MORC1: variants seen among roughly 807,000 people sequenced by gnomAD.
MORC1 encodes MORC family CW-type zinc finger 1.
A neutral mutation model predicts 134.9 loss-of-function variants in MORC1; 59 were observed. The ratio of observed to expected loss-of-function variants is 0.44; its 90% confidence interval spans 0.35 to 0.54. The LOEUF is 0.54. Among genes scored for constraint, MORC1 ranks in the 20% least tolerant of loss-of-function variants. The pLI is 0.00. For synonymous variants in MORC1, 395 were observed against 391.7 expected (o/e 1.01, Z -0.10); for missense variants, 947 against 1,134.5 (o/e 0.83, Z 2.37).
chr3:109,094,795 T>C, intron 7 of MORC1, 114 bp downstream of exon 7: 3 of 988,592 alleles, frequency 3.0e-6, no homozygotes, highest in Non-Finnish European at 4.2e-6. Flanking sequence ...GTCCCCAGTG[T>C]GAATCCACAT....
At position 109,059,894 on chromosome 3, in the gene MORC1, GA is replaced by G. The variant is rs767965162; in HGVS notation, c.967-25del. Reference sequence around the variant, plus strand: ...TCCTGGAGAAATGCATTGGTTGGGAGAGAACATAATGCCACTGAATTAACAA... The same window carrying G: ...TCCTGGAGAAATGCATTGGTTGGGAGGAACATAATGCCACTGAATTAACAA... On this transcript the variant is annotated intron_variant, in intron 11 of 27. Transcript: ENST00000232603. 1.9e-6 allele frequency: 3 copies of G among 1,597,294 alleles called. No homozygotes were observed. In the South Asian group the frequency reaches 3.4e-5, roughly 18 times the overall value.
intron 14 of MORC1, 96 bp from the exon 15 acceptor site, chr3:109,035,564 A>C: frequency 1.4e-6 from 1 of 724,916 alleles, no homozygotes; most frequent in Non-Finnish European, 2.2e-6. Context: ...TATGATCTCA[A>C]CTGTGTAAGT....
At chr3:108,984,975 A>G (rs754885131) in intron 22 of MORC1, among the ~76,000 whole-genome samples, 193 bp from the exon 23 acceptor site, 3 of 152,200 alleles carry the variant, frequency 2.0e-5, no homozygotes, top group Non-Finnish European at 4.4e-5. Flanking sequence ...TTTAAAATAA[A>G]GTTTATGTAG....
intron 4 of MORC1, among the ~76,000 whole-genome samples, chr3:109,102,200 G>A (rs532564305): frequency 6.6e-6 from 1 of 152,214 alleles, no homozygotes; most frequent in East Asian, 1.9e-4. Flanking sequence ...AACATGAGAT[G>A]GATTCAAACG....
intron 11 of MORC1, among the ~76,000 whole-genome samples, chr3:109,061,196 G>A (rs142479097): frequency 4.3e-4 from 65 of 152,264 alleles, no homozygotes; most frequent in Admixed American, 1.4e-3. Flanking sequence ...AGAAGAGGAT[G>A]AAGAGAAGGT....
chr3:109,090,399 C>G (rs61334907), intron 8 of MORC1, among the ~76,000 whole-genome samples: 1 of 151,720 alleles, frequency 6.6e-6, no homozygotes, highest in Non-Finnish European at 1.5e-5. Context: ...GGGTGGATCA[C>G]CTGAGGTTAG....
intron 16 of MORC1, among the ~76,000 whole-genome samples, chr3:109,031,598 G>T (rs1576653827): frequency 6.6e-6 from 1 of 152,190 alleles, no homozygotes; most frequent in Non-Finnish European, 1.5e-5. Flanking sequence ...GGAAACAGAA[G>T]ATCTTGGCCA....
intron 8 of MORC1, among the ~76,000 whole-genome samples, chr3:109,080,838 T>C (rs1158022625): frequency 6.6e-6 from 1 of 152,152 alleles, no homozygotes; most frequent in East Asian, 1.9e-4. Context: ...GCAATTAAGT[T>C]CTAATGGGGC....
chr3:109,040,099 A>AAAC (rs1046752336), intron 14 of MORC1, among the ~76,000 whole-genome samples: 3 of 151,870 alleles, frequency 2.0e-5, no homozygotes, highest in African/African-American at 7.3e-5. Flanking sequence ...ACAACAATTT[A>AAAC]AACAACAACA....
intron 26 of MORC1, 63 bp downstream of exon 26, chr3:108,969,606 T>G: frequency 6.8e-7 from 1 of 1,473,044 alleles, no homozygotes; most frequent in Non-Finnish European, 9.5e-7. Context: ...AAATGTACAT[T>G]ATTTATCCTT....
intron 27 of MORC1, among the ~76,000 whole-genome samples, chr3:108,960,454 A>G (rs1206723193): frequency 6.6e-6 from 1 of 152,226 alleles, no homozygotes; most frequent in Non-Finnish European, 1.5e-5. Flanking sequence ...GATCTTGAAG[A>G]CAAAGCAATG....
chr3:108,992,388 T>C lies in MORC1; in HGVS notation c.2188-5439A>G, dbSNP rs779101594. On this transcript the variant is annotated intron_variant, in intron 21 of 27. Coordinates refer to ENST00000232603, the MANE Select transcript of MORC1 (RefSeq NM_014429.4). ...TCTTTCCAAAACATCTTTTTTGTTA[T>C]TACTCCAGCACATATTCTTCCTTCC... Among the ~76,000 whole-genome samples the C allele has an allele frequency of 1.3e-4, 20 of 152,324 alleles. 1 individual carries two copies. The highest frequency in any genetic ancestry group is 3.4e-3 in the Middle Eastern group (1 of 294).
intron 2 of MORC1, among the ~76,000 whole-genome samples, chr3:109,111,014 G>A (rs566205066): frequency 7.1e-6 from 1 of 140,176 alleles, no homozygotes; most frequent in South Asian, 2.3e-4. Flanking sequence ...GAATTTAGTG[G>A]GAATTACACA....
At position 109,041,408 on chromosome 3, in the gene MORC1, C is replaced by T. The variant is rs562971403; in HGVS notation, c.1331-5940G>A. Among the ~76,000 whole-genome samples the T allele has an allele frequency of 4.5e-3, 676 of 151,772 alleles. 2 individuals carry two copies. Among genetic ancestry groups the T allele is most frequent in the Middle Eastern group, 6.8e-3 (2 of 294 alleles). On this transcript the variant is annotated intron_variant, in intron 14 of 27. Coordinates refer to ENST00000232603, the MANE Select transcript of MORC1 (RefSeq NM_014429.4). ...GAAAACTAAGTCTAATGAACAACAA[C>T]AAAAAAATATTGAATAAAAGTGGCC...
At chr3:108,964,157 G>C (rs1439869845) in intron 26 of MORC1, among the ~76,000 whole-genome samples, 2 of 152,192 alleles carry the variant, frequency 1.3e-5, no homozygotes, top group African/African-American at 4.8e-5. Context: ...AAAAAGTACA[G>C]ATAGTTATGT....
At chr3:109,001,471 C>T (rs1432986041) in intron 20 of MORC1, among the ~76,000 whole-genome samples, 1 of 152,232 alleles carries the variant, frequency 6.6e-6, no homozygotes, top group African/African-American at 2.4e-5. Context: ...GAGATCATCC[C>T]TCTTACCTCT....
intron 9 of MORC1, among the ~76,000 whole-genome samples, chr3:109,065,455 T>C (rs903814186): frequency 9.8e-5 from 15 of 152,308 alleles, no homozygotes; most frequent in African/African-American, 3.1e-4. Flanking sequence ...CTCCTGTGTT[T>C]TTTTTCCTCC....
chr3:109,115,741 G>A (rs1306266808), intron 1 of MORC1, among the ~76,000 whole-genome samples: 2 of 152,210 alleles, frequency 1.3e-5, no homozygotes, highest in East Asian at 3.8e-4. Flanking sequence ...CCTACCATGT[G>A]CCAATGTGTA....
chr3:109,043,062 A>C (rs1949592540), intron 14 of MORC1, among the ~76,000 whole-genome samples: 1 of 151,956 alleles, frequency 6.6e-6, no homozygotes, highest in African/African-American at 2.4e-5. Context: ...CTTTTAAAAA[A>C]CACAGGGCCT....
Sources: gnomAD v4.1 joint callset for allele counts (sites outside exome capture counted in the v4.1 genomes callset) on GRCh38, gnomAD v4.1.1 for gene constraint, MANE v1.5 for transcripts, NCBI Gene and HGNC (gene_info 2026-07-23, HGNC 2026-07-21) for gene names.